NRG1: variants seen among roughly 807,000 people sequenced by gnomAD.
NRG1 encodes the protein neuregulin 1.
Under a neutral mutation model 63.8 loss-of-function variants are expected in NRG1, and 18 were observed. The ratio of observed to expected loss-of-function variants is 0.28; its 90% CI spans 0.19 to 0.42. NRG1 has a LOEUF of 0.42. Among genes scored for constraint, NRG1 ranks in the 10% least tolerant of loss-of-function variants. NRG1 has a pLI of 1.00. For synonymous variants in NRG1, 302 were observed against 301.3 expected (o/e 1.00, Z -0.02); for missense variants, 762 against 814.7 (o/e 0.94, Z 0.79).
intron 5 of NRG1, among the ~76,000 whole-genome samples, chr8:32,634,653 C>T (rs1850984086): frequency 6.6e-6 from 1 of 152,162 alleles, no homozygotes. Context: ...CTCATCATCA[C>T]TTTTTGTTTT....
chr8:32,687,358 G>A (rs1054446667), intron 5 of NRG1, among the ~76,000 whole-genome samples: 1 of 152,118 alleles, frequency 6.6e-6, no homozygotes, highest in African/African-American at 2.4e-5. Context: ...GGCTGAAGTG[G>A]GTATGTGCAT....
chr8:32,296,392 C>A (rs1240739416), intron 1 of NRG1, among the ~76,000 whole-genome samples: 1 of 152,014 alleles, frequency 6.6e-6, no homozygotes, highest in South Asian at 2.1e-4. Context: ...GAGTTCAAGA[C>A]CAGCTGAGGT....
intron 1 of NRG1, among the ~76,000 whole-genome samples, chr8:32,214,488 G>A (rs543723157): frequency 2.0e-5 from 3 of 152,222 alleles, no homozygotes; most frequent in Admixed American, 6.5e-5. Context: ...ATTGGAAAGA[G>A]TGTTTTTTGC....
At chr8:31,883,574 G>T (rs1830511111) in intron 1 of NRG1, among the ~76,000 whole-genome samples, 1 of 152,082 alleles carries the variant, frequency 6.6e-6, no homozygotes, top group Non-Finnish European at 1.5e-5. Flanking sequence ...AAGAAGCAGA[G>T]TAGCCCAATC....
chr8:32,113,210 T>G (rs1275912498), intron 1 of NRG1, among the ~76,000 whole-genome samples: 1 of 152,204 alleles, frequency 6.6e-6, no homozygotes, highest in East Asian at 1.9e-4. Context: ...TTGCACTGGC[T>G]GCTAGCTAGA....
chr8:32,230,114 T>G (rs1434207983), intron 1 of NRG1, among the ~76,000 whole-genome samples: 1 of 152,176 alleles, frequency 6.6e-6, no homozygotes, highest in Admixed American at 6.5e-5. Flanking sequence ...AGGAGGTAGC[T>G]TAGTGGGTAT....
chr8:32,737,064 A>T (rs1825254759), intron 6 of NRG1, among the ~76,000 whole-genome samples: 1 of 152,202 alleles, frequency 6.6e-6, no homozygotes, highest in African/African-American at 2.4e-5. Flanking sequence ...GGTGCTGGGC[A>T]GAAGTTTGGT....
At chr8:31,992,297 CAG>C (rs1385270831) in intron 1 of NRG1, among the ~76,000 whole-genome samples, 2 of 151,984 alleles carry the variant, frequency 1.3e-5, no homozygotes, top group African/African-American at 4.8e-5. Context: ...TACCAAAAAA[CAG>C]AGAATTTGTT....
chr8:32,595,264 AC>A (rs1400443200), intron 1 of NRG1, among the ~76,000 whole-genome samples: 1 of 152,036 alleles, frequency 6.6e-6, no homozygotes, highest in African/African-American at 2.4e-5. Flanking sequence ...ATCATGGCTC[AC>A]TGCAGCATTG....
intron 5 of NRG1, among the ~76,000 whole-genome samples, chr8:32,689,314 A>G (rs1351794262): frequency 4.6e-5 from 7 of 152,088 alleles, no homozygotes; most frequent in Non-Finnish European, 1.0e-4. Flanking sequence ...AAAAAAAGGA[A>G]GAGTTCATGG....
chr8:31,832,068 C>T (rs1180058194), intron 1 of NRG1, among the ~76,000 whole-genome samples: 1 of 152,144 alleles, frequency 6.6e-6, no homozygotes, highest in African/African-American at 2.4e-5. Context: ...AGGCATTCAT[C>T]TCATACAATC....
At chr8:32,164,568 T>G (rs886877428) in intron 1 of NRG1, among the ~76,000 whole-genome samples, 1 of 151,774 alleles carries the variant, frequency 6.6e-6, no homozygotes, top group Non-Finnish European at 1.5e-5. Context: ...TTAACACTTT[T>G]GAAAAACTGC....
At chr8:32,219,434 A>G (rs1202643850) in intron 1 of NRG1, among the ~76,000 whole-genome samples, 2 of 152,178 alleles carry the variant, frequency 1.3e-5, no homozygotes, top group African/African-American at 2.4e-5. Context: ...CCACGAATAC[A>G]TGCCCTATTA....
intron 1 of NRG1, among the ~76,000 whole-genome samples, chr8:31,757,225 G>C (rs868667603): frequency 1.3e-5 from 2 of 151,970 alleles, no homozygotes; most frequent in African/African-American, 2.4e-5. Flanking sequence ...CAAAAGGTGG[G>C]TAAAGATAAG....
chr8:32,536,922 CAAAAAAAAAAAAAA>C (rs35265022), intron 1 of NRG1, among the ~76,000 whole-genome samples: 1 of 35,914 alleles, frequency 2.8e-5, no homozygotes, highest in African/African-American at 1.5e-4. Flanking sequence ...GACTCCGTCT[CAAAAAAAAAAAAAA>C]AAAAAAAAAA....
rs561051207 is a variant in NRG1 at position 31,745,715 on chromosome 8, G to A, written c.37+106284G>A. ...TTGAGACTCTGTGATGATACCTACCGCTTATGCTTGCTGTGAGCATGAATG... is the reference window on the plus strand; with the variant it reads ...TTGAGACTCTGTGATGATACCTACCACTTATGCTTGCTGTGAGCATGAATG... On this transcript the variant is annotated intron_variant, in intron 1 of 10. Coordinates refer to the NRG1 transcript ENST00000519301. Among the ~76,000 whole-genome samples the A allele has an allele frequency of 6.6e-5, 10 of 151,868 alleles. No individual in the cohort carries two copies. In the East Asian group the frequency reaches 2.0e-3, roughly 30 times the overall value.
At chr8:32,178,187 A>G (rs1335741067) in intron 1 of NRG1, among the ~76,000 whole-genome samples, 1 of 152,146 alleles carries the variant, frequency 6.6e-6, no homozygotes, top group African/African-American at 2.4e-5. Flanking sequence ...TTAGATTGAG[A>G]GAAGGACTAA....
At chr8:32,235,359 T>C (rs1337995151) in intron 1 of NRG1, among the ~76,000 whole-genome samples, 1 of 151,698 alleles carries the variant, frequency 6.6e-6, no homozygotes, top group Non-Finnish European at 1.5e-5. Context: ...GATTATGCCA[T>C]TGCACTCTAC....
intron 1 of NRG1, among the ~76,000 whole-genome samples, chr8:32,085,842 G>A (rs1828135659): frequency 6.6e-6 from 1 of 152,224 alleles, no homozygotes; most frequent in African/African-American, 2.4e-5. Flanking sequence ...CAGGCCAGAA[G>A]TCTGAAGTCA....
Sources: gnomAD v4.1 joint callset for allele counts (sites outside exome capture counted in the v4.1 genomes callset) on GRCh38, gnomAD v4.1.1 for gene constraint, MANE v1.5 for transcripts, NCBI Gene and HGNC (gene_info 2026-07-23, HGNC 2026-07-21) for gene names.